ACSL4: variants seen among roughly 807,000 people sequenced by gnomAD.
ACSL4 encodes the protein acyl-CoA synthetase long chain family member 4, also known as long-chain-fatty-acid--CoA ligase 4.
In ACSL4, 9 loss-of-function variants were observed where a neutral mutation model predicts 49.1. The ratio of observed to expected loss-of-function variants is 0.18; its 90% CI spans 0.11 to 0.32. The LOEUF (loss-of-function observed/expected upper bound fraction) is 0.32. Ranked by LOEUF, ACSL4 falls within the 10% of genes least tolerant of loss-of-function variation. The pLI is 1.00. For missense variants in ACSL4, 333 were observed against 493.7 expected (o/e 0.67, Z 3.08); for synonymous variants, 191 against 170.3 (o/e 1.12, Z -0.95).
At chrX:109,658,308 A>T (rs1236262834) in intron 15 of ACSL4, among the ~76,000 whole-genome samples, 1 of 110,393 alleles carries the variant, frequency 9.1e-6, no homozygotes, top group Non-Finnish European at 1.9e-5. Flanking sequence ...CGCCCTCATT[A>T]CTCACCACCC....
chrX:109,673,464 T>G (rs1161175598), intron 9 of ACSL4, among the ~76,000 whole-genome samples: 1 of 112,590 alleles, frequency 8.9e-6, no homozygotes, highest in Non-Finnish European at 1.9e-5. Context: ...TATTAGCAAC[T>G]TTTTTATGGT....
At chrX:109,725,729 G>C (rs1018584900) in intron 1 of ACSL4, among the ~76,000 whole-genome samples, 1 of 110,537 alleles carries the variant, frequency 9.0e-6, no homozygotes, top group Non-Finnish European at 1.9e-5. Context: ...AAAAGAGCGA[G>C]ACTCCATCTC....
chrX:109,647,981 T>G (rs1221960286), intron 15 of ACSL4, among the ~76,000 whole-genome samples: 1 of 111,383 alleles, frequency 9.0e-6, no homozygotes, highest in Non-Finnish European at 1.9e-5. Flanking sequence ...CAGGAAGAAG[T>G]TGAATCCCTG....
chrX:109,663,479 T>C (rs1922347145), intron 12 of ACSL4, 77 bp from the exon 13 acceptor site: 2 of 918,787 alleles, frequency 2.2e-6, no homozygotes, highest in South Asian at 4.2e-5. Flanking sequence ...CGTATGTTAG[T>C]ATTTTTCTGC....
intron 11 of ACSL4, among the ~76,000 whole-genome samples, chrX:109,667,819 G>C (rs1922805781): frequency 9.1e-6 from 1 of 110,399 alleles, no homozygotes; most frequent in Non-Finnish European, 1.9e-5. Context: ...TTGAACCCAG[G>C]AGGTGGAGGT....
rs73248176 is a variant in ACSL4 at position 109,657,119 on chromosome X, G to A, written c.1855+2235C>T. 8.9e-3 allele frequency among the ~76,000 whole-genome samples: 989 copies of A among 111,692 alleles called. 16 individuals carry two copies. The highest frequency in any genetic ancestry group is 0.056 in the East Asian group (200 of 3,565). On this transcript the variant is annotated intron_variant, in intron 15 of 15. Coordinates refer to ENST00000672401, the MANE Select transcript of ACSL4 (RefSeq NM_001318510.2). ...TACTTTCGTGGTTTCAATTATCCCCGAGTCTATAGCAGAGTCCAGGCCTCT... is the reference window on the plus strand; with the variant it reads ...TACTTTCGTGGTTTCAATTATCCCCAAGTCTATAGCAGAGTCCAGGCCTCT...
intron 15 of ACSL4, among the ~76,000 whole-genome samples, chrX:109,647,919 T>A (rs1187908929): frequency 1.8e-5 from 2 of 110,509 alleles, no homozygotes; most frequent in Admixed American, 9.5e-5. Context: ...AACTAGAAAA[T>A]CTAGAAGAAA....
chrX:109,701,375 C>T (rs935336505), intron 1 of ACSL4, among the ~76,000 whole-genome samples: 5 of 107,711 alleles, frequency 4.6e-5, no homozygotes, highest in Non-Finnish European at 7.7e-5. Context: ...CACCACAGCA[C>T]GCCGCTAATT....
At chrX:109,672,079 T>TAGAAAAAAAAAAAAAAAA (rs1923307225) in intron 9 of ACSL4, among the ~76,000 whole-genome samples, 1 of 37,389 alleles carries the variant, frequency 2.7e-5, no homozygotes, top group Non-Finnish European at 4.6e-5. Flanking sequence ...CAATAAATAC[T>TAGAAAAAAAAAAAAAAAA]AAAAAAAAAA....
chrX:109,707,054 C>G (rs1054850339), intron 1 of ACSL4, among the ~76,000 whole-genome samples: 4 of 112,022 alleles, frequency 3.6e-5, no homozygotes, highest in Non-Finnish European at 5.6e-5. Flanking sequence ...AAAAAAATAG[C>G]ACTTTCCTCT....
At chrX:109,680,761 T>G (rs924404134) in intron 6 of ACSL4, among the ~76,000 whole-genome samples, 1 of 113,077 alleles carries the variant, frequency 8.8e-6, no homozygotes, top group Non-Finnish European at 1.9e-5. Flanking sequence ...TGCCATGAAG[T>G]CTGAACCACA....
Position 109,663,303 on chromosome X carries a change from G to A in ACSL4, c.1490C>T (p.Ala497Val), listed in dbSNP as rs956339615. 4.0e-5 allele frequency: 48 copies of A among 1,206,118 alleles called. No homozygotes were observed. The highest frequency in any genetic ancestry group is 5.3e-5 in the Non-Finnish European group (47 of 891,753). Reference protein sequence around the residue: ...MGYFKNEEKTAEDYSVDENGQ... With the variant: ...MGYFKNEEKTVEDYSVDENGQ... ...ATTTTCATCCACAGAATAATCTTCT[G>A]CTGTTTTCTCTTCATTTTTAAAATA... Residue 497 changes from alanine (A) to valine (V), a missense_variant, in exon 13 of 16, where the codon GCA (alanine) becomes GTA (valine). Around this residue, in one of 3 missense-constraint regions of ACSL4, gnomAD observed 175 missense variants for 275.8 expected, o/e 0.63. Coordinates refer to ENST00000672401, the MANE Select transcript of ACSL4 (RefSeq NM_001318510.2).
rs1418042611 is a variant in ACSL4 at position 109,671,103 on chromosome X, G to C, written c.1003-1930C>G. On this transcript the variant is annotated intron_variant, in intron 9 of 15. Coordinates refer to ENST00000672401, the MANE Select transcript of ACSL4 (RefSeq NM_001318510.2). ...GGCCGCCCATCGTCTGGGATGTGAG[G>C]AGCCCCTCTGCCCGGCCGCCCAGTC... is the stretch of plus-strand genomic sequence containing the variant. Among the ~76,000 whole-genome samples, 35 of 110,340 alleles carry C rather than the reference G, an allele frequency of 3.2e-4. 1 individual carries two copies. Among genetic ancestry groups the C allele is most frequent in the Non-Finnish European group, 6.1e-4 (32 of 52,544 alleles).
chrX:109,717,049 T>C lies in ACSL4; in HGVS notation c.-66+16090A>G, dbSNP rs147126835. 1.8e-3 allele frequency among the ~76,000 whole-genome samples: 196 copies of C among 111,844 alleles called. 1 individual carries two copies. Among genetic ancestry groups the C allele is most frequent in the African/African-American group, 6.0e-3 (184 of 30,789 alleles). On this transcript the variant is annotated intron_variant, in intron 1 of 15. Transcript: ENST00000672401. ...TTGAAGCATCTGCAACCAATATGAA[T>C]AGCAATAAAATATAAGAGGGTAGTT...
intron 1 of ACSL4, among the ~76,000 whole-genome samples, chrX:109,722,186 A>G (rs903522741): frequency 1.8e-5 from 2 of 112,256 alleles, no homozygotes; most frequent in African/African-American, 6.5e-5. Flanking sequence ...TAAGTCCTAC[A>G]GCATAAACCC....
chrX:109,670,399 A>T (rs1035326513), intron 9 of ACSL4, among the ~76,000 whole-genome samples: 22 of 109,520 alleles, frequency 2.0e-4, no homozygotes, highest in African/African-American at 7.0e-4. Context: ...AGCCTGGCCA[A>T]GATGGTGAAA....
intron 2 of ACSL4, among the ~76,000 whole-genome samples, chrX:109,693,376 T>C (rs141360247): frequency 8.9e-6 from 1 of 112,115 alleles, no homozygotes; most frequent in African/African-American, 3.2e-5. Flanking sequence ...TATGGCCATA[T>C]AGTCAATGCT....
chrX:109,687,012 G>C (rs1271436593), intron 2 of ACSL4, among the ~76,000 whole-genome samples: 2 of 111,728 alleles, frequency 1.8e-5, no homozygotes, highest in African/African-American at 6.5e-5. Context: ...CCCCTGAAGG[G>C]ACTCCTTGGA....
chrX:109,685,237 T>C (rs1924517034), intron 2 of ACSL4, among the ~76,000 whole-genome samples: 1 of 108,837 alleles, frequency 9.2e-6, no homozygotes. Context: ...GGAACACAGA[T>C]GTGCATCACC....
Sources: gnomAD v4.1 joint callset for allele counts (sites outside exome capture counted in the v4.1 genomes callset) on GRCh38, gnomAD v4.1.1 for gene constraint, gnomAD v4.1.1 regional missense constraint, MANE v1.5 for transcripts, NCBI Gene and HGNC (gene_info 2026-07-23, HGNC 2026-07-21) for gene names.